ZNF287: variants seen among roughly 807,000 people sequenced by gnomAD.
ZNF287 encodes the protein zinc finger protein 287, also known as zinc finger protein with KRAB and SCAN domains 13.
In ZNF287, 31 loss-of-function variants were observed where a neutral mutation model predicts 73.7. The ratio of observed to expected loss-of-function variants is 0.42; its 90% confidence interval spans 0.32 to 0.57. The LOEUF is 0.57. ZNF287 is among the 20% of genes least tolerant of loss of function. The pLI is 0.13. For missense variants in ZNF287, 641 were observed against 909.3 expected (o/e 0.70, Z 3.79); for synonymous variants, 301 against 307.2 (o/e 0.98, Z 0.21).
Position 16,548,377 on chromosome 17 carries a change from A to C in ZNF287, c.*3479T>G, listed in dbSNP as rs1158971873. 6.6e-6 allele frequency among the ~76,000 whole-genome samples: 1 copy of C among 152,208 alleles called. No individual in the cohort carries two copies. Among genetic ancestry groups the C allele is most frequent in the African/African-American group, 2.4e-5 (1 of 41,446 alleles). ...TCATTAAAAATGTTTAAACAACCCA[A>C]TCAAGCCTTTTGCCCTAACTTCTAA... On this transcript the variant is annotated 3_prime_UTR_variant, in exon 6 of 6. Transcript: ENST00000395825.
At chr17:16,563,951 T>C in intron 3 of ZNF287, 126 bp from the exon 4 acceptor site, 1 of 1,141,648 alleles carries the variant, frequency 8.8e-7, no homozygotes, top group Non-Finnish European at 1.2e-6. Flanking sequence ...TCCTAGAAGT[T>C]GTCTAGTCAA....
chr17:16,566,981 G>T (rs537966349), intron 2 of ZNF287, among the ~76,000 whole-genome samples: 3 of 152,112 alleles, frequency 2.0e-5, no homozygotes, highest in Admixed American at 6.5e-5. Context: ...CAAAGCAAAT[G>T]ATTTATTAGT....
chr17:16,567,293 C>T, intron 2 of ZNF287, 36 bp downstream of exon 2: 1 of 1,576,392 alleles, frequency 6.3e-7, no homozygotes, highest in South Asian at 1.2e-5. Context: ...TTTAACCACC[C>T]AGGGATTCCT....
chr17:16,568,031 C>T, intron 1 of ZNF287, 102 bp from the exon 2 acceptor site: 3 of 1,065,358 alleles, frequency 2.8e-6, no homozygotes, highest in Non-Finnish European at 3.5e-6. Context: ...GATGAACACA[C>T]ATAAGCTTTA....
rs1214053590 is a variant in ZNF287, at chr17:16,551,772, T to C, written c.*84A>G. 7.0e-7 allele frequency: 1 copy of C among 1,434,304 alleles called. No homozygotes were observed. Among genetic ancestry groups the C allele is most frequent in the African/African-American group, 1.4e-5 (1 of 70,092 alleles). 88.8% of individuals were successfully genotyped at this position (1,434,304 alleles called of 1,614,324 possible). A position where few individuals can be genotyped will look rare whatever the true frequency, so the allele number is the denominator to read the frequency against. Reference sequence around the variant, plus strand: ...TCTAACATATTGCACTTCTTCAGACTTCTTCTGAATGTTCTGACACATAGA... The same window carrying C: ...TCTAACATATTGCACTTCTTCAGACCTCTTCTGAATGTTCTGACACATAGA... On this transcript the variant is annotated 3_prime_UTR_variant, in exon 6 of 6. Coordinates refer to ENST00000395825, the MANE Select transcript of ZNF287 (RefSeq NM_020653.4).
intron 3 of ZNF287, among the ~76,000 whole-genome samples, 163 bp from the exon 4 acceptor site, chr17:16,563,988 C>T (rs540141871): frequency 6.6e-6 from 1 of 152,186 alleles, no homozygotes; most frequent in Non-Finnish European, 1.5e-5. Context: ...ATGGACAGCC[C>T]TACAGCATCT....
At chr17:16,553,461 A>G (rs1569014695) in intron 5 of ZNF287, 35 bp from the exon 6 acceptor site, 4 of 1,417,168 alleles carry the variant, frequency 2.8e-6, no homozygotes, top group African/African-American at 1.5e-5. Flanking sequence ...ATCTTCATTT[A>G]TTTGGAGAAA....
At chr17:16,559,436 T>A (rs912253393) in intron 5 of ZNF287, among the ~76,000 whole-genome samples, 2 of 152,164 alleles carry the variant, frequency 1.3e-5, no homozygotes, top group Non-Finnish European at 2.9e-5. Context: ...AATATACTGA[T>A]GTTGTTGGAA....
At chr17:16,561,735 G>GA (rs1255436922) in intron 5 of ZNF287, among the ~76,000 whole-genome samples, 1 of 151,694 alleles carries the variant, frequency 6.6e-6, no homozygotes, top group Non-Finnish European at 1.5e-5. Context: ...TTTTAAAAAA[G>GA]AAAAAAGGCT....
intron 5 of ZNF287, among the ~76,000 whole-genome samples, chr17:16,556,264 C>T (rs1907062111): frequency 6.6e-6 from 1 of 151,920 alleles, no homozygotes; most frequent in Non-Finnish European, 1.5e-5. Flanking sequence ...CCTTGTACTC[C>T]TTGAATTTAC....
Position 16,552,813 on chromosome 17 carries a change from C to T in ZNF287, c.1329G>A (p.Gln443=). 1 of 1,613,878 alleles carries T rather than the reference C, an allele frequency of 6.2e-7. No homozygotes were observed. Among genetic ancestry groups the T allele is most frequent in the Non-Finnish European group, 8.5e-7 (1 of 1,179,934 alleles). The change falls in exon 6 of 6, where the codon CAG becomes CAA. Residue 443 remains glutamine (Q), a synonymous_variant. Transcript: ENST00000395825. This position sits in a 1 kb window ranked among gnomAD's most constrained non-coding sequence, Gnocchi z 6.5. ...AGGGTTTCTCTCCAGTATGAATTCT[C>T]TGATGTATAGTAAGGTGTGCACGCT... The part of the protein sequence containing the change: ...FSQRAHLTIH[Q]RIHTGEKPYK...
chr17:16,565,171 A>G (rs1271602292), intron 3 of ZNF287, among the ~76,000 whole-genome samples: 3 of 151,788 alleles, frequency 2.0e-5, no homozygotes, highest in Non-Finnish European at 2.9e-5. Context: ...GCCTGGGCAC[A>G]TAGTGAGATC....
In ZNF287 at chr17:16,548,093, T is replaced by G. The variant is rs989332224; in HGVS notation, c.*3763A>C. On this transcript the variant is annotated 3_prime_UTR_variant, in exon 6 of 6. Coordinates refer to ENST00000395825, the MANE Select transcript of ZNF287 (RefSeq NM_020653.4). Reference sequence around the variant, plus strand: ...GTAGAGTGATAGAATTAGAAAATTGTCATTTTGCAAACATTGATGAGACAA... The same window carrying G: ...GTAGAGTGATAGAATTAGAAAATTGGCATTTTGCAAACATTGATGAGACAA... 6.6e-6 allele frequency among the ~76,000 whole-genome samples: 1 copy of G among 152,200 alleles called. No homozygotes were observed. Among genetic ancestry groups the G allele is most frequent in the African/African-American group, 2.4e-5 (1 of 41,450 alleles).
In ZNF287 at chr17:16,551,218, A is replaced by G. The variant is rs912314720; in HGVS notation, c.*638T>C. Among the ~76,000 whole-genome samples, 1 of 152,166 alleles carries G rather than the reference A, an allele frequency of 6.6e-6. No individual in the cohort carries two copies. The highest frequency in any genetic ancestry group is 1.5e-5 in the Non-Finnish European group (1 of 68,022). ...ATTTTAAGGCTTCAAAGCTGGGAAT[A>G]AAAGGCCTGAAAGCAGCTTACTCTT... On this transcript the variant is annotated 3_prime_UTR_variant, in exon 6 of 6. Transcript: ENST00000395825.
At chr17:16,560,560 G>A (rs1025170089) in intron 5 of ZNF287, among the ~76,000 whole-genome samples, 6 of 151,244 alleles carry the variant, frequency 4.0e-5, no homozygotes, top group African/African-American at 9.7e-5. Context: ...GTGTTGGCCA[G>A]GCTGGTCTTG....
chr17:16,554,745 G>A (rs565711622), intron 5 of ZNF287, among the ~76,000 whole-genome samples: 4 of 152,174 alleles, frequency 2.6e-5, no homozygotes, highest in East Asian at 1.9e-4. Flanking sequence ...ATGGCAAAAC[G>A]CTGTCTCTAC....
chr17:16,562,585 G>A (rs2142495099), intron 5 of ZNF287, among the ~76,000 whole-genome samples: 1 of 152,232 alleles, frequency 6.6e-6, no homozygotes, highest in Admixed American at 6.5e-5. Context: ...CTGGGGAGAT[G>A]TAGGAACTGG....
At chr17:16,556,515 T>C (rs1051614449) in intron 5 of ZNF287, among the ~76,000 whole-genome samples, 1 of 152,072 alleles carries the variant, frequency 6.6e-6, no homozygotes, top group East Asian at 1.9e-4. Flanking sequence ...TCCACTCCAG[T>C]AGGTGTAGCA....
At chr17:16,554,034 C>A (rs1020664305) in intron 5 of ZNF287, among the ~76,000 whole-genome samples, 2 of 152,116 alleles carry the variant, frequency 1.3e-5, no homozygotes, top group Admixed American at 6.5e-5. Context: ...TTTTATTAAA[C>A]CCAGCAGTTT....
Sources: gnomAD v4.1 joint callset for allele counts (sites outside exome capture counted in the v4.1 genomes callset) on GRCh38, gnomAD v4.1.1 for gene constraint, Gnocchi (gnomAD v3.1) non-coding constraint, MANE v1.5 for transcripts, NCBI Gene and HGNC (gene_info 2026-07-23, HGNC 2026-07-21) for gene names.